CEP152: variants seen among roughly 807,000 people sequenced by gnomAD.
The protein encoded by CEP152 is centrosomal protein of 152 kDa.
Under a neutral mutation model 188.9 loss-of-function variants are expected in CEP152, and 132 were observed. The observed-to-expected ratio is 0.70, with a 90% CI of 0.61 to 0.81. The LOEUF (loss-of-function observed/expected upper bound fraction) is 0.81. CEP152 is among the 30% of genes least tolerant of loss of function. The pLI is 0.00. For missense variants in CEP152, 1,914 were observed against 1,969.8 expected (o/e 0.97, Z 0.54); for synonymous variants, 649 against 666.6 (o/e 0.97, Z 0.41).
At chr15:48,790,757 G>A (rs535576855) in intron 8 of CEP152, among the ~76,000 whole-genome samples, 5 of 152,184 alleles carry the variant, frequency 3.3e-5, no homozygotes, top group South Asian at 4.2e-4. Flanking sequence ...TAATAGAGAC[G>A]GGGTTTCACA....
At chr15:48,807,574 A>C (rs2140940053) in intron 1 of CEP152, among the ~76,000 whole-genome samples, 1 of 152,186 alleles carries the variant, frequency 6.6e-6, no homozygotes, top group South Asian at 2.1e-4. Flanking sequence ...AAAAAAAAAA[A>C]AAAAAGAGAT....
intron 10 of CEP152, among the ~76,000 whole-genome samples, chr15:48,782,943 TA>T (rs748329119): frequency 5.5e-4 from 83 of 152,170 alleles, no homozygotes; most frequent in Non-Finnish European, 1.1e-3. Flanking sequence ...GGGCCCTTAA[TA>T]AAGCATAATC....
intron 18 of CEP152, among the ~76,000 whole-genome samples, chr15:48,761,957 C>T (rs188999485): frequency 1.3e-5 from 2 of 152,260 alleles, no homozygotes; most frequent in Admixed American, 6.5e-5. Flanking sequence ...TTTAAGGGCA[C>T]GCCTGCAGAT....
At chr15:48,777,164 A>G (rs780226157) in intron 12 of CEP152, among the ~76,000 whole-genome samples, 11 of 152,236 alleles carry the variant, frequency 7.2e-5, no homozygotes, top group South Asian at 2.1e-4. Flanking sequence ...CAGAACAGAA[A>G]AAGTATGTTA....
At chr15:48,802,856 G>C (rs556026614) in intron 2 of CEP152, among the ~76,000 whole-genome samples, 99 of 152,228 alleles carry the variant, frequency 6.5e-4, no homozygotes, top group Non-Finnish European at 1.2e-3. Context: ...ATGAAGGTTG[G>C]AATGGTGTAT....
In CEP152 at chr15:48,738,672, G is replaced by A. The variant is rs1258537404; in HGVS notation, c.4710C>T (p.Asp1570=). Residue 1570 remains aspartate (D), a synonymous_variant, in exon 27 of 27, where the codon GAC becomes GAT. Coordinates refer to ENST00000380950, the MANE Select transcript of CEP152 (RefSeq NM_001194998.2). ...CACTGCTGGAAGGCCAGCCCAAGCA[G>A]TCACTAAGGTCCCCTCCATCTTTTA... ...PPVKDGGDLS[D]CLGWPSSSAT... The A allele has an allele frequency of 6.2e-7, 1 of 1,614,218 alleles. No individual in the cohort carries two copies. Among genetic ancestry groups the A allele is most frequent in the East Asian group, 2.2e-5 (1 of 44,886 alleles).
In CEP152 at chr15:48,786,422, T is replaced by A. The variant is rs1289127890; in HGVS notation, c.1174-2302A>T. ...ACTATTATAATATGTTGTGAGTGCA[T>A]ACAATCTTTTCTACCCAGAAAAGCT... On this transcript the variant is annotated intron_variant, in intron 9 of 26. Coordinates refer to ENST00000380950, the MANE Select transcript of CEP152 (RefSeq NM_001194998.2). Among the ~76,000 whole-genome samples, 3 of 152,240 alleles carry A rather than the reference T, an allele frequency of 2.0e-5. No individual in the cohort carries two copies. The East Asian group carries it at 5.8e-4, about 29-fold the overall frequency.
At position 48,760,262 on chromosome 15, in the gene CEP152, T is replaced by G. The variant is rs766816767; in HGVS notation, c.2567A>C (p.Glu856Ala). The G allele has an allele frequency of 5.0e-6, 8 of 1,614,046 alleles. No homozygotes were observed. Among genetic ancestry groups the G allele is most frequent in the Non-Finnish European group, 6.8e-6 (8 of 1,179,930 alleles). ...KHCENITKQV[E>A]IAVQNAHQRW... ...CTGATGAGCATTTTGCACAGCTATT[T>G]CTACCTGTAGGACATTGCAAAAGAA... Residue 856 changes from glutamate to alanine, a missense_variant, in exon 19 of 27, where the codon GAA (glutamate) becomes GCA (alanine). Coordinates refer to ENST00000380950, the MANE Select transcript of CEP152 (RefSeq NM_001194998.2).
Position 48,767,449 on chromosome 15 carries a change from T to G in CEP152, c.2033A>C (p.Tyr678Ser). 1 of 1,614,156 alleles carries G rather than the reference T, an allele frequency of 6.2e-7. No homozygotes were observed. Among genetic ancestry groups the G allele is most frequent in the Middle Eastern group, 1.6e-4 (1 of 6,062 alleles). ...TTTCATGGCTTCATGGTGCTGCTGA[T>G]AAGTCCTTTCACACCTGGAAACAGA... ...QEAVDRCERTYQQHHEAMKTQ... is the reference protein window; with the variant it reads ...QEAVDRCERTSQQHHEAMKTQ... The change falls in exon 16 of 27, where the codon TAT becomes TCT. Residue 678 changes from tyrosine to serine, a missense_variant. Tyr to Ser is a moderately radical substitution (Grantham distance 144). Coordinates refer to ENST00000380950, the MANE Select transcript of CEP152 (RefSeq NM_001194998.2).
chr15:48,739,141 C>A lies in CEP152; in HGVS notation c.4241G>T (p.Arg1414Met). The stretch of plus-strand genomic sequence containing the variant: ...CAGCCTTTGTAAGTTACAAGCTGCC[C>A]TCCTCTTGGGAGCTTGTTCGCACAG... ...RTLCEQAPKR[R>M]AACNLQRLLE... is the part of the protein sequence containing the mutation. The change falls in exon 27 of 27, where the codon AGG (arginine) becomes ATG (methionine). Residue 1414 changes from arginine (R) to methionine (M), a missense_variant. Transcript: ENST00000380950. The A allele has an allele frequency of 6.2e-7, 1 of 1,614,194 alleles. No individual in the cohort carries two copies. Among genetic ancestry groups the A allele is most frequent in the East Asian group, 2.2e-5 (1 of 44,884 alleles).
chr15:48,749,070 C>T (rs952134774), intron 21 of CEP152, among the ~76,000 whole-genome samples: 30 of 152,044 alleles, frequency 2.0e-4, no homozygotes, highest in African/African-American at 5.8e-4. Context: ...TGAAGGAGCT[C>T]CACTAGCTGA....
At chr15:48,803,078 T>C (rs573727995) in intron 2 of CEP152, among the ~76,000 whole-genome samples, 1 of 152,318 alleles carries the variant, frequency 6.6e-6, no homozygotes, top group African/African-American at 2.4e-5. Flanking sequence ...GTAAGCCTTA[T>C]AGCACATCAT....
At chr15:48,798,740 C>T (rs1184084670) in intron 2 of CEP152, among the ~76,000 whole-genome samples, 1 of 152,074 alleles carries the variant, frequency 6.6e-6, no homozygotes, top group Non-Finnish European at 1.5e-5. Context: ...CTATTATTTT[C>T]TAGAAAAAAA....
chr15:48,749,378 G>A (rs962742856), intron 21 of CEP152, among the ~76,000 whole-genome samples: 1 of 151,956 alleles, frequency 6.6e-6, no homozygotes, highest in African/African-American at 2.4e-5. Context: ...ATCAACGGTT[G>A]CCAAATATAA....
At chr15:48,810,225 A>T (rs1221922737) in intron 1 of CEP152, 2 of 152,248 alleles carry the variant, frequency 1.3e-5, no homozygotes, top group Non-Finnish European at 2.9e-5. Flanking sequence ...TTACTTGCTG[A>T]CATAACTCGC....
chr15:48,784,142 G>C, intron 9 of CEP152, 22 bp from the exon 10 acceptor site: 1 of 1,606,314 alleles, frequency 6.2e-7, no homozygotes, highest in Non-Finnish European at 8.5e-7. Flanking sequence ...AAAAGTTCAG[G>C]AAGTCATTTT....
intron 21 of CEP152, among the ~76,000 whole-genome samples, chr15:48,750,722 A>G (rs1841968): frequency 0.26 from 38,923 of 152,064 alleles, 7,488 homozygotes; most frequent in African/African-American, 0.53. Flanking sequence ...GCTGTTAAAC[A>G]GGAAAAAAGC....
intron 21 of CEP152, among the ~76,000 whole-genome samples, chr15:48,748,831 G>T (rs755750279): frequency 2.1e-4 from 32 of 152,056 alleles, no homozygotes; most frequent in Non-Finnish European, 4.3e-4. Flanking sequence ...ACTTGTCTAA[G>T]GCACTACTGG....
In CEP152 at chr15:48,805,546, T is replaced by G; in HGVS notation, c.87+17A>C. The G allele has an allele frequency of 1.3e-6, 2 of 1,582,282 alleles. No homozygotes were observed. Among genetic ancestry groups the G allele is most frequent in the Non-Finnish European group, 1.7e-6 (2 of 1,171,562 alleles). On this transcript the variant is annotated intron_variant, in intron 2 of 26. Coordinates refer to ENST00000380950, the MANE Select transcript of CEP152 (RefSeq NM_001194998.2). ...TGGGTTTAGTGTCTCTTTTTTTTTTTTTTTTTAACAACTTACCTCTTTCTC... is the reference window on the plus strand; with the variant it reads ...TGGGTTTAGTGTCTCTTTTTTTTTTGTTTTTTAACAACTTACCTCTTTCTC...
Sources: gnomAD v4.1 joint callset for allele counts (sites outside exome capture counted in the v4.1 genomes callset) on GRCh38, gnomAD v4.1.1 for gene constraint, MANE v1.5 for transcripts, NCBI Gene and HGNC (gene_info 2026-07-23, HGNC 2026-07-21) for gene names.